PHLPP1: variants seen among roughly 807,000 people sequenced by gnomAD.
PHLPP1 encodes the protein PH domain and leucine rich repeat protein phosphatase 1.
A neutral mutation model predicts 117.2 loss-of-function variants in PHLPP1; 42 were observed. The observed-to-expected ratio is 0.36, with a 90% CI of 0.28 to 0.46. The LOEUF (loss-of-function observed/expected upper bound fraction) is 0.46, where lower values mean the gene tolerates loss of function less well. Ranked by LOEUF, PHLPP1 falls within the 20% of genes least tolerant of loss-of-function variation. PHLPP1 has a pLI of 1.00. For synonymous variants in PHLPP1, 1,042 were observed against 970.7 expected, an observed-to-expected ratio of 1.07 and a Z score of -1.37; for missense variants, 2,084 against 2,241.9, an observed-to-expected ratio of 0.93 and a Z score of 1.42.
At chr18:62,965,965 A>T (rs1433330044) in intron 14 of PHLPP1, among the ~76,000 whole-genome samples, 1 of 152,122 alleles carries the variant, frequency 6.6e-6, no homozygotes, top group Non-Finnish European at 1.5e-5. Flanking sequence ...TTAAAATTTA[A>T]CTTTGCCACT....
intron 4 of PHLPP1, among the ~76,000 whole-genome samples, chr18:62,875,079 C>T (rs914139632): frequency 3.3e-5 from 5 of 152,040 alleles, no homozygotes; most frequent in African/African-American, 2.4e-5. Flanking sequence ...CTCAGCCTCC[C>T]GAGTAGCTGG....
chr18:62,905,583 AT>A (rs1344940734), intron 8 of PHLPP1, among the ~76,000 whole-genome samples: 3 of 151,958 alleles, frequency 2.0e-5, no homozygotes, highest in Non-Finnish European at 4.4e-5. Context: ...TATGAATCAT[AT>A]TTTTTTGTCT....
intron 3 of PHLPP1, among the ~76,000 whole-genome samples, chr18:62,850,727 T>TAC (rs1466792972): frequency 1.3e-5 from 2 of 152,160 alleles, no homozygotes; most frequent in African/African-American, 4.8e-5. Flanking sequence ...AGATAACTGT[T>TAC]AGAGTGACAC....
At position 62,794,094 on chromosome 18, in the gene PHLPP1, T is replaced by C. The variant is rs573221393; in HGVS notation, c.1577-35941T>C. 4.6e-5 allele frequency among the ~76,000 whole-genome samples: 7 copies of C among 152,324 alleles called. No homozygotes were observed. In the East Asian group the frequency reaches 7.7e-4, roughly 17 times the overall value. On this transcript the variant is annotated intron_variant, in intron 1 of 16. Coordinates refer to ENST00000262719, the MANE Select transcript of PHLPP1 (RefSeq NM_194449.4). ...GAGGTTATGTGGCTCTCATGGAAGA[T>C]TATGATAAACCTTCTTTTAAAACTT...
chr18:62,754,071 CT>C (rs1911939395), intron 1 of PHLPP1, among the ~76,000 whole-genome samples: 1 of 152,240 alleles, frequency 6.6e-6, no homozygotes, highest in Non-Finnish European at 1.5e-5. Flanking sequence ...GTCTTAAACA[CT>C]TCAGCTGTTC....
At chr18:62,904,667 G>A (rs750713401) in intron 7 of PHLPP1, among the ~76,000 whole-genome samples, 1 of 152,226 alleles carries the variant, frequency 6.6e-6, no homozygotes, top group Non-Finnish European at 1.5e-5. Flanking sequence ...CAACCAGATA[G>A]GAGCTGCACC....
At chr18:62,931,942 C>T (rs1290117120) in intron 10 of PHLPP1, among the ~76,000 whole-genome samples, 1 of 146,766 alleles carries the variant, frequency 6.8e-6, no homozygotes, top group East Asian at 2.0e-4. Context: ...GATGAGATTA[C>T]AGCTGATAGC....
At chr18:62,852,422 C>T (rs978488215) in intron 3 of PHLPP1, among the ~76,000 whole-genome samples, 1 of 152,152 alleles carries the variant, frequency 6.6e-6, no homozygotes, top group South Asian at 2.1e-4. Flanking sequence ...CGGCTCACTG[C>T]GAGCTCCGCC....
chr18:62,954,956 G>A (rs745972625), intron 12 of PHLPP1, among the ~76,000 whole-genome samples: 2 of 152,210 alleles, frequency 1.3e-5, no homozygotes, highest in Admixed American at 6.5e-5. Flanking sequence ...AGTGCACTGC[G>A]CTTAGGATAT....
intron 12 of PHLPP1, among the ~76,000 whole-genome samples, chr18:62,952,363 G>A (rs1307880090): frequency 1.3e-5 from 2 of 152,156 alleles, no homozygotes; most frequent in East Asian, 3.9e-4. Context: ...TTTAGTGTTT[G>A]AGGAAATTCT....
chr18:62,920,412 A>G (rs566729042), intron 10 of PHLPP1, among the ~76,000 whole-genome samples: 110 of 152,280 alleles, frequency 7.2e-4, no homozygotes, highest in African/African-American at 2.6e-3. Context: ...CTGCTCTGTT[A>G]CTACCTGGTC....
chr18:62,722,057 G>T (rs1479334712), intron 1 of PHLPP1, among the ~76,000 whole-genome samples: 1 of 152,078 alleles, frequency 6.6e-6, no homozygotes, highest in East Asian at 1.9e-4. Flanking sequence ...TCCTGTTTGG[G>T]TCCCCAGGGA....
At chr18:62,801,598 A>G (rs534996914) in intron 1 of PHLPP1, among the ~76,000 whole-genome samples, 1 of 151,658 alleles carries the variant, frequency 6.6e-6, no homozygotes, top group African/African-American at 2.4e-5. Context: ...GACTACAGGC[A>G]TGCACCACCA....
In PHLPP1 at chr18:62,941,922, A is replaced by C. The variant is rs1201358765; in HGVS notation, c.3161+4A>C. The stretch of plus-strand genomic sequence containing the variant: ...GACTTCAGAGTTTTCCAGCAAGGTA[A>C]AGGACAGTTGTAAAGCTGCGTTCTG... On this transcript the variant is annotated splice_donor_region_variant and intron_variant, in intron 11 of 16. Coordinates refer to ENST00000262719, the MANE Select transcript of PHLPP1 (RefSeq NM_194449.4). 1.2e-6 allele frequency: 2 copies of C among 1,610,780 alleles called. No homozygotes were observed. Among genetic ancestry groups the C allele is most frequent in the South Asian group, 1.1e-5 (1 of 90,870 alleles).
chr18:62,755,358 AATG>A (rs2144240538), intron 1 of PHLPP1, among the ~76,000 whole-genome samples: 1 of 152,118 alleles, frequency 6.6e-6, no homozygotes, highest in East Asian at 1.9e-4. Context: ...CTTCCCCTCT[AATG>A]ATTCCTATGG....
At position 62,978,699 on chromosome 18, in the gene PHLPP1, T is replaced by G. The variant is rs745743890; in HGVS notation, c.4422T>G (p.Ala1474=). The change falls in exon 17 of 17, where the codon GCT becomes GCG. Residue 1474 remains alanine, a synonymous_variant. Transcript: ENST00000262719. This position sits in a 1 kb window ranked among gnomAD's most constrained non-coding sequence, Gnocchi z 7.0. ...LGVPSSSSGM[A]SEISSELSTS... ...TGCCGTCCTCCAGCAGCGGCATGGC[T>G]TCCGAGATTAGCAGTGAGCTCTCCA... 1.9e-6 allele frequency: 3 copies of G among 1,613,820 alleles called. No individual in the cohort carries two copies. In the East Asian group the frequency reaches 6.7e-5, roughly 36 times the overall value.
At chr18:62,776,114 A>C (rs916843017) in intron 1 of PHLPP1, among the ~76,000 whole-genome samples, 1 of 152,184 alleles carries the variant, frequency 6.6e-6, no homozygotes, top group African/African-American at 2.4e-5. Context: ...TGGCTTGCTT[A>C]TGGGAACTGG....
intron 1 of PHLPP1, among the ~76,000 whole-genome samples, chr18:62,796,480 G>C (rs913994441): frequency 6.6e-6 from 1 of 152,204 alleles, no homozygotes; most frequent in Non-Finnish European, 1.5e-5. Flanking sequence ...AGGAGAGGAA[G>C]GAATTGTTCA....
chr18:62,716,977 G>T lies in PHLPP1; in HGVS notation c.1294G>T (p.Glu432Ter). The T allele has an allele frequency of 1.3e-6, 2 of 1,541,028 alleles. No individual in the cohort carries two copies. The highest frequency in any genetic ancestry group is 1.2e-5 in the South Asian group (1 of 83,912). ...AIDSPGGAVR[E>*]GSCEEKAAAA... The stretch of plus-strand genomic sequence containing the variant: ...TGACAGCCCGGGCGGGGCCGTCCGC[G>T]AGGGGTCGTGCGAGGAGAAGGCAGC... Residue 432 changes from glutamate to a stop codon, truncating the protein, a stop_gained, in exon 1 of 17, where the codon GAG becomes TAG. Transcript: ENST00000262719. LOFTEE classifies it high-confidence loss of function. This position sits in a 1 kb window ranked among gnomAD's most constrained non-coding sequence, Gnocchi z 5.7.
Sources: gnomAD v4.1 joint callset for allele counts (sites outside exome capture counted in the v4.1 genomes callset) on GRCh38, gnomAD v4.1.1 for gene constraint, Gnocchi (gnomAD v3.1) non-coding constraint, MANE v1.5 for transcripts, NCBI Gene and HGNC (gene_info 2026-07-23, HGNC 2026-07-21) for gene names.